LRRC8B: variants seen among roughly 807,000 people sequenced by gnomAD.
The protein encoded by LRRC8B is leucine rich repeat containing 8 VRAC subunit B, also known as volume-regulated anion channel subunit LRRC8B.
LRRC8B carries 23 observed loss-of-function variants against 58.8 expected under a neutral mutation model. That is an observed-to-expected ratio of 0.39 (90% confidence interval 0.28 to 0.55). The LOEUF (loss-of-function observed/expected upper bound fraction) is 0.55. Among genes scored for constraint, LRRC8B ranks in the 20% least tolerant of loss-of-function variants. The probability of loss-of-function intolerance (pLI) is 0.62; values close to 1 mark genes in which losing one functional copy is unlikely to be tolerated. For synonymous variants in LRRC8B, 359 were observed against 374.1 expected (o/e 0.96, Z 0.47); for missense variants, 694 against 936.0 (o/e 0.74, Z 3.37).
intron 1 of LRRC8B, among the ~76,000 whole-genome samples, chr1:89,556,403 T>A (rs1326090810): frequency 6.6e-6 from 1 of 152,130 alleles, no homozygotes; most frequent in Non-Finnish European, 1.5e-5. Context: ...TGAGTTACTC[T>A]AGTAAATTAT....
chr1:89,556,622 C>T (rs1652212733), intron 1 of LRRC8B, among the ~76,000 whole-genome samples: 1 of 152,078 alleles, frequency 6.6e-6, no homozygotes, highest in South Asian at 2.1e-4. Context: ...GTTGGTGTTA[C>T]AGGGAGTGAT....
At chr1:89,556,951 T>C (rs1046479543) in intron 1 of LRRC8B, among the ~76,000 whole-genome samples, 1 of 152,226 alleles carries the variant, frequency 6.6e-6, no homozygotes, top group Non-Finnish European at 1.5e-5. Context: ...TGGAATCTTT[T>C]AAAAAGCCTT....
At chr1:89,581,083 A>C (rs1366513720) in intron 4 of LRRC8B, among the ~76,000 whole-genome samples, 1 of 152,046 alleles carries the variant, frequency 6.6e-6, no homozygotes, top group African/African-American at 2.4e-5. Flanking sequence ...TGAGGTCAGG[A>C]GTTCGAGACC....
At chr1:89,528,315 C>G (rs1176372805) in intron 1 of LRRC8B, among the ~76,000 whole-genome samples, 1 of 152,184 alleles carries the variant, frequency 6.6e-6, no homozygotes, top group Non-Finnish European at 1.5e-5. Flanking sequence ...ATGGAGACCA[C>G]ATTCTTTATT....
chr1:89,557,645 A>T (rs1306147855), intron 1 of LRRC8B, among the ~76,000 whole-genome samples: 1 of 152,224 alleles, frequency 6.6e-6, no homozygotes, highest in South Asian at 2.1e-4. Flanking sequence ...GCTGCCATGG[A>T]AAACCAGCCC....
At chr1:89,528,610 A>G (rs1557588201) in intron 1 of LRRC8B, among the ~76,000 whole-genome samples, 1 of 152,268 alleles carries the variant, frequency 6.6e-6, no homozygotes, top group South Asian at 2.1e-4. Context: ...ACAATGGCTT[A>G]TTCAAAATGA....
chr1:89,557,899 C>T (rs1342296574), intron 1 of LRRC8B, among the ~76,000 whole-genome samples: 1 of 152,186 alleles, frequency 6.6e-6, no homozygotes, highest in Admixed American at 6.5e-5. Flanking sequence ...AGAGCAATTA[C>T]TCTAACATGT....
At chr1:89,586,901 C>T (rs189132689) in intron 5 of LRRC8B, among the ~76,000 whole-genome samples, 1 of 152,142 alleles carries the variant, frequency 6.6e-6, no homozygotes, top group Admixed American at 6.5e-5. Flanking sequence ...AGGACAGCCA[C>T]CAGGAAGATG....
chr1:89,526,403 C>T (rs1202972451), intron 1 of LRRC8B, among the ~76,000 whole-genome samples: 2 of 152,078 alleles, frequency 1.3e-5, no homozygotes, highest in Admixed American at 6.6e-5. Flanking sequence ...TTAGTGGTGG[C>T]GGGGTTTCAC....
At chr1:89,549,076 A>G (rs1651620859) in intron 1 of LRRC8B, among the ~76,000 whole-genome samples, 1 of 152,214 alleles carries the variant, frequency 6.6e-6, no homozygotes, top group African/African-American at 2.4e-5. Flanking sequence ...AGGTGATGGG[A>G]TACCACAGTG....
rs1275274846 is a variant in LRRC8B, at chr1:89,594,965, T to C, written c.*1922T>C. On this transcript the variant is annotated 3_prime_UTR_variant, in exon 6 of 6. Coordinates refer to ENST00000330947, the MANE Select transcript of LRRC8B (RefSeq NM_001369817.2). ...TTTGTTCCAGAAAGATGAAAGTGAG[T>C]CTTTAAAGCATAGCAAATAGAGCTT... 12 of 152,072 alleles carry C rather than the reference T, an allele frequency of 7.9e-5. No individual in the cohort carries two copies. The highest frequency in any genetic ancestry group is 1.2e-4 in the Non-Finnish European group (8 of 67,976). 9.4% of individuals were successfully genotyped at this position (152,072 alleles called of 1,614,324 possible).
chr1:89,530,774 G>A (rs1650067329), intron 1 of LRRC8B, among the ~76,000 whole-genome samples: 1 of 152,176 alleles, frequency 6.6e-6, no homozygotes, highest in African/African-American at 2.4e-5. Context: ...AACCCCAACG[G>A]CCGGTCCCTC....
intron 1 of LRRC8B, among the ~76,000 whole-genome samples, chr1:89,546,561 C>A (rs371833571): frequency 6.6e-6 from 1 of 152,164 alleles, no homozygotes; most frequent in East Asian, 1.9e-4. Context: ...TTCCCTTCTT[C>A]CAAGTCTCTC....
Position 89,584,153 on chromosome 1 carries a change from A to G in LRRC8B, c.1503A>G (p.Lys501=). The G allele has an allele frequency of 6.2e-7, 1 of 1,612,460 alleles. No individual in the cohort carries two copies. Among genetic ancestry groups the G allele is most frequent in the Non-Finnish European group, 8.5e-7 (1 of 1,180,018 alleles). Residue 501 remains lysine, a synonymous_variant, in exon 5 of 6, where the codon AAA becomes AAG. Coordinates refer to ENST00000330947, the MANE Select transcript of LRRC8B (RefSeq NM_001369817.2). The part of the protein sequence containing the change: ...ILRLKFTEMG[K]IPRWVFHLKN... ...GCCTGAAATTTACTGAAATGGGAAA[A>G]ATCCCACGCTGGGTATTTCACCTCA...
intron 1 of LRRC8B, among the ~76,000 whole-genome samples, chr1:89,565,784 C>T (rs572520364): frequency 2.8e-4 from 43 of 152,318 alleles, no homozygotes; most frequent in African/African-American, 8.7e-4. Context: ...GGCTCATCAC[C>T]GATCACTCTG....
intron 1 of LRRC8B, among the ~76,000 whole-genome samples, chr1:89,567,854 G>A (rs572180702): frequency 6.6e-6 from 1 of 152,170 alleles, no homozygotes; most frequent in African/African-American, 2.4e-5. Context: ...ATCCATGTGT[G>A]AACTATATGT....
At chr1:89,561,914 G>A (rs1210473193) in intron 1 of LRRC8B, among the ~76,000 whole-genome samples, 1 of 152,070 alleles carries the variant, frequency 6.6e-6, no homozygotes, top group African/African-American at 2.4e-5. Context: ...TAATATGTTT[G>A]TCTCCTTTTA....
At chr1:89,570,700 A>G (rs1467448215) in intron 3 of LRRC8B, among the ~76,000 whole-genome samples, 1 of 152,182 alleles carries the variant, frequency 6.6e-6, no homozygotes. Context: ...TTTGCTGTGC[A>G]GAAGCTCTTT....
At chr1:89,541,710 C>CAAAAAAAAAAAAAAAAAAAAAAAAAAAA (rs61714771) in intron 1 of LRRC8B, among the ~76,000 whole-genome samples, 1 of 42,220 alleles carries the variant, frequency 2.4e-5, no homozygotes, top group African/African-American at 1.1e-4. Flanking sequence ...GACTCCGTCT[C>CAAAAAAAAAAAAAAAAAAAAAAAAAAAA]AAAAAAAAAA....
Sources: gnomAD v4.1 joint callset for allele counts (sites outside exome capture counted in the v4.1 genomes callset) on GRCh38, gnomAD v4.1.1 for gene constraint, MANE v1.5 for transcripts, NCBI Gene and HGNC (gene_info 2026-07-23, HGNC 2026-07-21) for gene names.